The following VAV3 variants were observed in gnomAD, a reference collection of about 807,000 sequenced individuals.
VAV3 encodes vav guanine nucleotide exchange factor 3, also known as guanine nucleotide exchange factor VAV3.
VAV3 carries 94 observed loss-of-function variants against 131.2 expected under a neutral mutation model. The observed-to-expected ratio is 0.72, with a 90% CI of 0.61 to 0.85. The LOEUF (loss-of-function observed/expected upper bound fraction) is 0.85, where lower values mean the gene tolerates loss of function less well. Ranked by LOEUF, VAV3 falls within the 40% of genes least tolerant of loss-of-function variation. The pLI is 0.00. For synonymous variants in VAV3, 349 were observed against 342.0 expected (o/e 1.02, Z -0.22); for missense variants, 939 against 1,002.7 (o/e 0.94, Z 0.86).
intron 2 of VAV3, among the ~76,000 whole-genome samples, chr1:107,874,142 TA>T (rs1670377666): frequency 6.6e-6 from 1 of 152,182 alleles, no homozygotes; most frequent in African/African-American, 2.4e-5. Context: ...TACATCAGCA[TA>T]AGCTAAAGTC....
Position 107,771,921 on chromosome 1 carries a change from C to T in VAV3, c.555+814G>A, listed in dbSNP as rs540025877. Reference sequence around the variant, plus strand: ...GTTAAACCACACTTGCGTTATATTCCTCAAACACAGGCAGGTAACTTGTTT... The same window carrying T: ...GTTAAACCACACTTGCGTTATATTCTTCAAACACAGGCAGGTAACTTGTTT... On this transcript the variant is annotated intron_variant, in intron 5 of 26. Coordinates refer to ENST00000370056, the MANE Select transcript of VAV3 (RefSeq NM_006113.5). Among the ~76,000 whole-genome samples, 3 of 152,328 alleles carry T rather than the reference C, an allele frequency of 2.0e-5. No individual in the cohort carries two copies. The South Asian group carries it at 6.2e-4, about 32-fold the overall frequency.
intron 2 of VAV3, among the ~76,000 whole-genome samples, chr1:107,868,509 G>A (rs1476578806): frequency 1.3e-5 from 2 of 152,086 alleles, no homozygotes; most frequent in Admixed American, 6.6e-5. Flanking sequence ...ACCATTGCAG[G>A]CTCTCAAGTA....
intron 22 of VAV3, among the ~76,000 whole-genome samples, chr1:107,607,193 C>T (rs903641663): frequency 6.6e-6 from 1 of 151,980 alleles, no homozygotes; most frequent in African/African-American, 2.4e-5. Flanking sequence ...ACCTCATGAT[C>T]CGCCCACTTC....
chr1:107,635,102 C>T (rs1250864157), intron 20 of VAV3, among the ~76,000 whole-genome samples: 1 of 152,020 alleles, frequency 6.6e-6, no homozygotes, highest in Admixed American at 6.6e-5. Context: ...CCATTTGACC[C>T]AGCAATCCCA....
intron 2 of VAV3, among the ~76,000 whole-genome samples, chr1:107,810,616 T>G (rs773895729): frequency 6.6e-6 from 1 of 152,170 alleles, no homozygotes; most frequent in Non-Finnish European, 1.5e-5. Flanking sequence ...CTGTCTCTTA[T>G]GATTTGGGAT....
intron 2 of VAV3, among the ~76,000 whole-genome samples, chr1:107,795,966 C>T (rs2102285986): frequency 6.6e-6 from 1 of 152,234 alleles, no homozygotes; most frequent in Non-Finnish European, 1.5e-5. Flanking sequence ...CCCATTAAAT[C>T]CTAATTCTCA....
intron 15 of VAV3, among the ~76,000 whole-genome samples, chr1:107,732,499 A>G (rs1333368532): frequency 6.6e-6 from 1 of 152,024 alleles, no homozygotes; most frequent in Non-Finnish European, 1.5e-5. Context: ...AAATCGGGAC[A>G]CTCCCGCCTT....
At chr1:107,911,501 T>C (rs1672365778) in intron 1 of VAV3, among the ~76,000 whole-genome samples, 1 of 152,206 alleles carries the variant, frequency 6.6e-6, no homozygotes, top group South Asian at 2.1e-4. Context: ...AGCAGGGTAT[T>C]AACCCACTCT....
At chr1:107,728,633 A>G (rs187360734) in intron 15 of VAV3, among the ~76,000 whole-genome samples, 2,499 of 127,158 alleles carry the variant, frequency 0.02, 34 homozygotes, top group Middle Eastern at 0.048. Flanking sequence ...ATGTATATGT[A>G]TATGTATATG....
intron 1 of VAV3, among the ~76,000 whole-genome samples, chr1:107,922,790 A>C (rs1672967393): frequency 1.3e-5 from 2 of 151,770 alleles, no homozygotes; most frequent in African/African-American, 4.8e-5. Context: ...GCCTCTACTA[A>C]AAATACAAAA....
intron 15 of VAV3, among the ~76,000 whole-genome samples, chr1:107,741,741 G>C (rs1295092515): frequency 6.6e-6 from 1 of 152,214 alleles, no homozygotes; most frequent in East Asian, 1.9e-4. Flanking sequence ...GAGCACCTCA[G>C]ACCCTAAAAC....
intron 22 of VAV3, among the ~76,000 whole-genome samples, chr1:107,605,252 T>C (rs1028960278): frequency 6.6e-6 from 1 of 152,228 alleles, no homozygotes; most frequent in Non-Finnish European, 1.5e-5. Flanking sequence ...TATAAGAGTA[T>C]TGAAAGGTAG....
chr1:107,834,743 C>G (rs1048360846), intron 2 of VAV3, among the ~76,000 whole-genome samples: 2 of 151,872 alleles, frequency 1.3e-5, no homozygotes, highest in African/African-American at 2.4e-5. Context: ...AGAGGCAATG[C>G]AAACACCAGG....
chr1:107,945,509 G>A (rs1447898898), intron 1 of VAV3, among the ~76,000 whole-genome samples: 6 of 152,076 alleles, frequency 3.9e-5, no homozygotes, highest in Admixed American at 1.3e-4. Flanking sequence ...CCCTGCCATC[G>A]TGAAGCTTAG....
chr1:107,793,482 G>T (rs868732189), intron 2 of VAV3, among the ~76,000 whole-genome samples: 2 of 152,150 alleles, frequency 1.3e-5, no homozygotes, highest in Admixed American at 1.3e-4. Flanking sequence ...GAGTGTGTCG[G>T]CCTTATTCAC....
intron 2 of VAV3, among the ~76,000 whole-genome samples, chr1:107,865,191 G>A (rs905941207): frequency 2.6e-5 from 4 of 152,298 alleles, no homozygotes; most frequent in African/African-American, 9.6e-5. Context: ...AAAGTCTCAG[G>A]ATGAGCTGAA....
intron 2 of VAV3, among the ~76,000 whole-genome samples, chr1:107,829,734 A>T (rs1668165165): frequency 6.6e-6 from 1 of 152,186 alleles, no homozygotes; most frequent in South Asian, 2.1e-4. Flanking sequence ...TGAAACTTCA[A>T]TTTTTAAATC....
chr1:107,572,231 G>C lies in VAV3; in HGVS notation c.*1100C>G, dbSNP rs1649312174. On this transcript the variant is annotated 3_prime_UTR_variant, in exon 27 of 27. Transcript: ENST00000370056. Reference sequence around the variant, plus strand: ...GATGGGCTGCAGAGGGGGAGACTCTGAGAGAAGCTGGAGGCCCACAAAAGT... The same window carrying C: ...GATGGGCTGCAGAGGGGGAGACTCTCAGAGAAGCTGGAGGCCCACAAAAGT... 2.0e-5 allele frequency: 3 copies of C among 152,326 alleles called. No homozygotes were observed. In the South Asian group the frequency reaches 6.2e-4, roughly 32 times the overall value. 9.4% of individuals were successfully genotyped at this position (152,326 alleles called of 1,614,324 possible). A position where few individuals can be genotyped will look rare whatever the true frequency, so the allele number is the denominator to read the frequency against.
intron 15 of VAV3, among the ~76,000 whole-genome samples, chr1:107,739,300 C>T (rs565816357): frequency 1.8e-4 from 28 of 152,180 alleles, no homozygotes; most frequent in Non-Finnish European, 2.8e-4. Flanking sequence ...TCGCATGTTT[C>T]CGGATCAAAC....
Sources: allele counts gnomAD v4.1 joint callset (sites outside exome capture counted in the v4.1 genomes callset), GRCh38; gene constraint gnomAD v4.1.1; transcripts MANE v1.5; gene names NCBI Gene and HGNC (gene_info 2026-07-23, HGNC 2026-07-21).